Variants in TRIM36 observed in about 807,000 individuals in gnomAD.
TRIM36 encodes the protein E3 ubiquitin-protein ligase TRIM36.
Under a neutral mutation model 72.4 loss-of-function variants are expected in TRIM36, and 42 were observed. The observed-to-expected ratio is 0.58, with a 90% CI of 0.45 to 0.75. The LOEUF is 0.75. Among genes scored for constraint, TRIM36 ranks in the 30% least tolerant of loss-of-function variants. TRIM36 has a pLI of 0.00. For missense variants in TRIM36, 913 were observed against 857.1 expected (o/e 1.07, Z -0.81); for synonymous variants, 315 against 282.8 (o/e 1.11, Z -1.14).
At chr5:115,133,162 T>A (rs1277395918) in intron 8 of TRIM36, among the ~76,000 whole-genome samples, 1 of 152,202 alleles carries the variant, frequency 6.6e-6, no homozygotes, top group African/African-American at 2.4e-5. Flanking sequence ...AACGTTTTCC[T>A]GCTAACCAGG....
intron 4 of TRIM36, 97 bp downstream of exon 4, chr5:115,144,501 G>A: frequency 1.4e-6 from 2 of 1,426,884 alleles, no homozygotes; most frequent in Non-Finnish European, 1.9e-6. Flanking sequence ...TAGTACAAAA[G>A]AGACCATATA....
At chr5:115,127,003 AAT>A in intron 9 of TRIM36, 146 bp from the exon 10 acceptor site, 1 of 832,786 alleles carries the variant, frequency 1.2e-6, no homozygotes, top group Non-Finnish European at 1.8e-6. Flanking sequence ...AAAACATAAA[AAT>A]GACACATTAC....
At chr5:115,142,364 G>C (rs1359777293) in intron 4 of TRIM36, among the ~76,000 whole-genome samples, 1 of 152,154 alleles carries the variant, frequency 6.6e-6, no homozygotes, top group African/African-American at 2.4e-5. Flanking sequence ...TAGGTGCAAA[G>C]TGGTGGTACT....
At chr5:115,173,522 A>ATG (rs57515389), upstream of TRIM36, among the ~76,000 whole-genome samples, 7,910 of 148,456 alleles carry the variant, frequency 0.053, 275 homozygotes, top group African/African-American at 0.089. Context: ...GTGTATTTGA[A>ATG]TGTGTGTGTG....
Position 115,130,462 on chromosome 5 carries a change from A to T in TRIM36, c.1796+130T>A. The T allele has an allele frequency of 2.9e-6, 3 of 1,052,624 alleles. No homozygotes were observed. The South Asian group carries it at 5.4e-5, about 19-fold the overall frequency. The allele number at this position is 1,052,624 out of a possible 1,614,324, so 65.2% of individuals were successfully genotyped here. On this transcript the variant is annotated intron_variant, in intron 9 of 9. Transcript: ENST00000513154. ...ACAAGAATACCCGGCTCCTTTTCTCAATCAAGCCACAGCCAAAATACTAGA... is the reference window on the plus strand; with the variant it reads ...ACAAGAATACCCGGCTCCTTTTCTCTATCAAGCCACAGCCAAAATACTAGA...
intron 1 of TRIM36, among the ~76,000 whole-genome samples, chr5:115,168,409 A>G (rs1251767390): frequency 6.6e-6 from 1 of 152,242 alleles, no homozygotes; most frequent in Non-Finnish European, 1.5e-5. Flanking sequence ...GCAATTTTAA[A>G]GACAGCCCAA....
At chr5:115,177,564 G>A in intron 1 of TRIM36, 1 of 1,421,254 alleles carries the variant, frequency 7.0e-7, no homozygotes, top group Non-Finnish European at 9.2e-7. Flanking sequence ...AATATTCAGT[G>A]TTCAAATCCT....
In TRIM36 at chr5:115,133,927, T is replaced by C. The variant is rs1752823088; in HGVS notation, c.1431A>G (p.Arg477=). The change falls in exon 8 of 10, where the codon AGA becomes AGG. Residue 477 remains arginine (R), a synonymous_variant. Transcript: ENST00000513154. ...ENSSTYAFRV[R]AYKGSICSPC... is the part of the protein sequence containing the mutation. ...GACTACAGATTGAACCCTTGTAAGC[T>C]CTTACTCTGAAAGCATAGGTACTAC... The C allele has an allele frequency of 1.2e-6, 2 of 1,613,616 alleles. No individual in the cohort carries two copies. Among genetic ancestry groups the C allele is most frequent in the African/African-American group, 2.7e-5 (2 of 75,044 alleles).
intron 2 of TRIM36, 149 bp from the exon 3 acceptor site, chr5:115,147,543 A>G: frequency 3.0e-6 from 3 of 1,010,842 alleles, no homozygotes; most frequent in Non-Finnish European, 4.2e-6. Flanking sequence ...TATTGTGAAA[A>G]TGTTTTTAAA....
At chr5:115,148,281 T>C in intron 2 of TRIM36, 1 of 925,112 alleles carries the variant, frequency 1.1e-6, no homozygotes, top group Non-Finnish European at 1.3e-6. Context: ...CACATTTTTG[T>C]TCAGTATTAT....
intron 2 of TRIM36, 54 bp from the exon 3 acceptor site, chr5:115,147,448 T>C: frequency 6.4e-7 from 1 of 1,552,570 alleles, no homozygotes; most frequent in Non-Finnish European, 8.8e-7. Flanking sequence ...ATGATTAGAA[T>C]GAAGAAAAGA....
chr5:115,134,038 A>C lies in TRIM36; in HGVS notation c.1320T>G (p.Tyr440Ter). 1.2e-6 allele frequency: 2 copies of C among 1,613,872 alleles called. No individual in the cohort carries two copies. The highest frequency in any genetic ancestry group is 1.7e-6 in the Non-Finnish European group (2 of 1,179,914). ...KDKADSYVLE[Y>*]RKINRDDEMS... is the part of the protein sequence containing the mutation. ...TTTCATCATCTCTATTGATTTTCCG[A>C]TATTCAAGAACATAGCTATCAGCTT... The change falls in exon 8 of 10, where the codon TAT becomes TAG. Residue 440 changes from tyrosine to a stop codon, truncating the protein, a stop_gained. Coordinates refer to ENST00000513154, the MANE Select transcript of TRIM36 (RefSeq NM_001300759.2). LOFTEE classifies it high-confidence loss of function.
chr5:115,126,845 G>A lies in TRIM36; in HGVS notation c.1809C>T (p.Asp603=), dbSNP rs1320790407. ...RDAVSPRYEQ[D]SGHDSGSEDA... is the part of the protein sequence containing the mutation. ...CCTCACTTCCACTGTCATGCCCACT[G>A]TCTTGCTCATATCTGAAACATAATA... Residue 603 remains aspartate, a synonymous_variant, in exon 10 of 10, where the codon GAC becomes GAT. Coordinates refer to ENST00000513154, the MANE Select transcript of TRIM36 (RefSeq NM_001300759.2). The A allele has an allele frequency of 2.5e-6, 4 of 1,610,312 alleles. No individual in the cohort carries two copies. Among genetic ancestry groups the A allele is most frequent in the African/African-American group, 2.7e-5 (2 of 74,680 alleles).
At chr5:115,176,165 G>A (rs2126958896) in intron 1 of TRIM36, among the ~76,000 whole-genome samples, 1 of 152,184 alleles carries the variant, frequency 6.6e-6, no homozygotes, top group South Asian at 2.1e-4. Context: ...CTTATGCAGT[G>A]GGCACAACCT....
At chr5:115,130,088 A>G (rs1200804373) in intron 9 of TRIM36, among the ~76,000 whole-genome samples, 2 of 152,174 alleles carry the variant, frequency 1.3e-5, no homozygotes, top group African/African-American at 4.8e-5. Context: ...AAGCTAGTTG[A>G]CCTTATTCCA....
chr5:115,166,128 AG>A (rs1754762793), intron 1 of TRIM36, among the ~76,000 whole-genome samples: 1 of 152,180 alleles, frequency 6.6e-6, no homozygotes. Flanking sequence ...CTGGGAGGAA[AG>A]GGACAGGTCC....
chr5:115,180,099 TTC>T lies in TRIM36; in HGVS notation c.-64_-63del, dbSNP rs1191017446. 8 of 1,535,780 alleles carry T rather than the reference TTC, an allele frequency of 5.2e-6. No homozygotes were observed. The African/African-American group carries it at 6.9e-5, about 13-fold the overall frequency. ...GGGTGTATCGAATTTGTCCTTTCTT[TTC>T]TCTTTTTCTGTTTTTAGTCTGAGTT... On this transcript the variant is annotated 5_prime_UTR_variant, in exon 1 of 10. Transcript: ENST00000282369.
intron 2 of TRIM36, among the ~76,000 whole-genome samples, chr5:115,161,191 T>TC (rs1362379916): frequency 7.2e-6 from 1 of 139,140 alleles, no homozygotes; most frequent in South Asian, 2.2e-4. Context: ...GGGGTATGTG[T>TC]CTTTAAAAAA....
In TRIM36 at chr5:115,126,260, G is replaced by A. The variant is rs1752354285; in HGVS notation, c.*243C>T. On this transcript the variant is annotated 3_prime_UTR_variant, in exon 10 of 10. Transcript: ENST00000513154. ...TGTACATAAAGTAAAAGACAGTCCA[G>A]TTGCAAAGTTAACCACTTCAGTATT... 4.4e-6 allele frequency: 2 copies of A among 454,754 alleles called. No homozygotes were observed. Among genetic ancestry groups the A allele is most frequent in the Non-Finnish European group, 7.8e-6 (2 of 256,952 alleles). The allele number at this position is 454,754 out of a possible 1,614,324, so 28.2% of individuals were successfully genotyped here.
Sources: gnomAD v4.1 joint callset for allele counts (sites outside exome capture counted in the v4.1 genomes callset) on GRCh38, gnomAD v4.1.1 for gene constraint, MANE v1.5 for transcripts, NCBI Gene and HGNC (gene_info 2026-07-23, HGNC 2026-07-21) for gene names.